KIRREL3: variants seen among roughly 807,000 people sequenced by gnomAD.
The protein encoded by KIRREL3 is kirre like nephrin family adhesion molecule 3.
A neutral mutation model predicts 89.7 loss-of-function variants in KIRREL3; 36 were observed. The observed-to-expected ratio is 0.40, with a 90% CI of 0.31 to 0.53. The LOEUF is 0.53. KIRREL3 is among the 20% of genes least tolerant of loss of function. KIRREL3 has a pLI of 0.49. For synonymous variants in KIRREL3, 445 were observed against 441.4 expected (o/e 1.01, Z -0.10); for missense variants, 864 against 1,056.6 (o/e 0.82, Z 2.53).
chr11:126,699,476 G>A (rs747446826), intron 1 of KIRREL3, among the ~76,000 whole-genome samples: 4 of 152,150 alleles, frequency 2.6e-5, no homozygotes, highest in Non-Finnish European at 5.9e-5. Flanking sequence ...TTTTCTAGTA[G>A]CCACACTCAG....
chr11:126,932,949 C>T (rs573681179), intron 1 of KIRREL3, among the ~76,000 whole-genome samples: 47 of 152,270 alleles, frequency 3.1e-4, no homozygotes, highest in Non-Finnish European at 5.6e-4. Flanking sequence ...AAAGACACTT[C>T]GCTGGAGAGA....
intron 13 of KIRREL3, 139 bp downstream of exon 13, chr11:126,435,129 C>A: frequency 1.1e-6 from 1 of 906,990 alleles, no homozygotes; most frequent in Non-Finnish European, 1.7e-6. Flanking sequence ...TTTGTCTACA[C>A]TAAACCCTCA....
chr11:126,854,172 GT>G (rs1303088257), intron 1 of KIRREL3, among the ~76,000 whole-genome samples: 7 of 73,338 alleles, frequency 9.5e-5, no homozygotes, highest in Admixed American at 1.9e-4. Flanking sequence ...GTGGTGTGTG[GT>G]TTTTTGTTTT....
At chr11:126,504,909 TATC>T (rs1467023416) in intron 4 of KIRREL3, among the ~76,000 whole-genome samples, 1 of 152,216 alleles carries the variant, frequency 6.6e-6, no homozygotes, top group Non-Finnish European at 1.5e-5. Flanking sequence ...AAAACTATAT[TATC>T]ATCTCAATAG....
Position 126,954,893 on chromosome 11 carries a change from C to T in KIRREL3, c.55+45562G>A, listed in dbSNP as rs113363882. Among the ~76,000 whole-genome samples the T allele has an allele frequency of 1.4e-4, 21 of 152,164 alleles. No individual in the cohort carries two copies. The highest frequency in any genetic ancestry group is 2.6e-4 in the Admixed American group (4 of 15,272). On this transcript the variant is annotated intron_variant, in intron 1 of 16. Transcript: ENST00000525144. The surrounding 1 kb of genome is among the most constrained non-coding windows in gnomAD (Gnocchi z 4.1). ...TTAGGTAATGAAAGCAGAAAGAAGA[C>T]GCACCTCAAACATACTGTGTGGGCA...
At chr11:126,560,353 C>T (rs540818632) in intron 2 of KIRREL3, among the ~76,000 whole-genome samples, 17 of 152,306 alleles carry the variant, frequency 1.1e-4, no homozygotes, top group South Asian at 1.0e-3. Flanking sequence ...ATTCTATCCA[C>T]GAAGCTATTA....
intron 1 of KIRREL3, among the ~76,000 whole-genome samples, chr11:126,947,731 T>C (rs1948658748): frequency 6.6e-6 from 1 of 152,208 alleles, no homozygotes; most frequent in African/African-American, 2.4e-5. Context: ...AGGGATCCCA[T>C]GGCTTTTCAC....
In KIRREL3 at chr11:126,520,982, G is replaced by A. The variant is rs377430624; in HGVS notation, c.433+333C>T. On this transcript the variant is annotated intron_variant, in intron 4 of 16. Coordinates refer to ENST00000525144, the MANE Select transcript of KIRREL3 (RefSeq NM_032531.4). The surrounding 1 kb of genome is among the most constrained non-coding windows in gnomAD (Gnocchi z 4.9). ...TGTGCCACATTCTTCCTGGCACGGA[G>A]CCTAGCCTAGATAACGTGTGCAGAG... Among the ~76,000 whole-genome samples the A allele has an allele frequency of 1.1e-3, 170 of 152,318 alleles. 1 individual carries two copies. Among genetic ancestry groups the A allele is most frequent in the African/African-American group, 4.0e-3 (165 of 41,578 alleles).
At chr11:126,425,123 G>T in intron 16 of KIRREL3, 100 bp from the exon 17 acceptor site, 1 of 1,179,438 alleles carries the variant, frequency 8.5e-7, no homozygotes, top group Non-Finnish European at 1.2e-6. Flanking sequence ...GGGGAGGGAA[G>T]AGGGAAAACA....
chr11:126,626,960 A>G lies in KIRREL3; in HGVS notation c.56-64048T>C, dbSNP rs1022538873. 1.1e-4 allele frequency among the ~76,000 whole-genome samples: 16 copies of G among 151,728 alleles called. No individual in the cohort carries two copies. In the East Asian group the frequency reaches 1.8e-3, roughly 17 times the overall value. ...TGGGGCGGAGGTTGCAGTTTGCACC[A>G]TTGCACTCCAGCCTGGGCCACAAGA... On this transcript the variant is annotated intron_variant, in intron 1 of 16. Transcript: ENST00000525144.
At position 126,424,999 on chromosome 11, in the gene KIRREL3, C is replaced by T. The variant is rs774661420; in HGVS notation, c.1918G>A (p.Val640Ile). 8.4e-6 allele frequency: 13 copies of T among 1,552,744 alleles called. No homozygotes were observed. The highest frequency in any genetic ancestry group is 1.7e-4 in the Middle Eastern group (1 of 5,782). ...LKDPTNGYYSVNTFKEHHSTP... is the reference protein window; with the variant it reads ...LKDPTNGYYSINTFKEHHSTP... ...GAGTGGTGCTCTTTGAAGGTGTTGA[C>T]GCTGTAGTAGCCATTGGTGGGGTCC... The change falls in exon 17 of 17, where the codon GTC becomes ATC. Residue 640 changes from valine to isoleucine, a missense_variant. Coordinates refer to ENST00000525144, the MANE Select transcript of KIRREL3 (RefSeq NM_032531.4).
chr11:126,773,726 GC>G lies in KIRREL3; in HGVS notation c.56-210815del, dbSNP rs1950087713. On this transcript the variant is annotated intron_variant, in intron 1 of 16. Transcript: ENST00000525144. The surrounding 1 kb of genome is among the most constrained non-coding windows in gnomAD (Gnocchi z 4.2). ...GTGTTTTCCTGTGAGCTCCTTGGAG[GC>G]TGGGGCCCACATATATTATTTATCT... Among the ~76,000 whole-genome samples, 1 of 152,142 alleles carries G rather than the reference GC, an allele frequency of 6.6e-6. No individual in the cohort carries two copies. Among genetic ancestry groups the G allele is most frequent in the Non-Finnish European group, 1.5e-5 (1 of 68,026 alleles).
chr11:126,456,181 G>A (rs1390349098), intron 7 of KIRREL3, among the ~76,000 whole-genome samples, 168 bp downstream of exon 7: 2 of 151,660 alleles, frequency 1.3e-5, no homozygotes, highest in East Asian at 2.0e-4. Context: ...GGGTCCACAC[G>A]GCTAGCAGGC....
chr11:126,979,815 G>A (rs1479380575), intron 1 of KIRREL3, among the ~76,000 whole-genome samples: 1 of 152,216 alleles, frequency 6.6e-6, no homozygotes, highest in African/African-American at 2.4e-5. Context: ...GGTGCTCTTA[G>A]AGGGTGCAAG....
At chr11:126,507,166 CA>C (rs2134384830) in intron 4 of KIRREL3, among the ~76,000 whole-genome samples, 1 of 152,232 alleles carries the variant, frequency 6.6e-6, no homozygotes, top group South Asian at 2.1e-4. Context: ...CCAGAAAAGC[CA>C]AATCCAAGAA....
intron 1 of KIRREL3, among the ~76,000 whole-genome samples, chr11:126,861,328 T>C (rs1045932687): frequency 1.6e-4 from 24 of 152,196 alleles, no homozygotes; most frequent in African/African-American, 5.1e-4. Flanking sequence ...GAGGTAGTAT[T>C]TCCTGAACTC....
Position 126,475,254 on chromosome 11 carries a change from G to A in KIRREL3, c.434-1788C>T, listed in dbSNP as rs184808139. Among the ~76,000 whole-genome samples the A allele has an allele frequency of 3.6e-4, 55 of 152,226 alleles. No individual in the cohort carries two copies. Among genetic ancestry groups the A allele is most frequent in the Middle Eastern group, 6.8e-3 (2 of 294 alleles). ...ACAGTCACAGCTCCGGGCCCGTCCTGACTCCACTGGCTCAGCCTTCCAGCC... is the reference window on the plus strand; with the variant it reads ...ACAGTCACAGCTCCGGGCCCGTCCTAACTCCACTGGCTCAGCCTTCCAGCC... On this transcript the variant is annotated intron_variant, in intron 4 of 16. Coordinates refer to ENST00000525144, the MANE Select transcript of KIRREL3 (RefSeq NM_032531.4). This position sits in a 1 kb window ranked among gnomAD's most constrained non-coding sequence, Gnocchi z 7.5.
At chr11:126,678,478 T>C (rs944346655) in intron 1 of KIRREL3, among the ~76,000 whole-genome samples, 1 of 151,708 alleles carries the variant, frequency 6.6e-6, no homozygotes, top group Non-Finnish European at 1.5e-5. Flanking sequence ...CAGGCGCCTG[T>C]AGTCCCAGCT....
At chr11:126,577,825 A>G (rs1377889217) in intron 1 of KIRREL3, among the ~76,000 whole-genome samples, 1 of 151,960 alleles carries the variant, frequency 6.6e-6, no homozygotes, top group East Asian at 1.9e-4. Flanking sequence ...TTACCTTCAG[A>G]GAGAATAGCT....
Sources: allele counts gnomAD v4.1 joint callset (sites outside exome capture counted in the v4.1 genomes callset), GRCh38; gene constraint gnomAD v4.1.1; non-coding constraint Gnocchi (gnomAD v3.1); transcripts MANE v1.5; gene names NCBI Gene and HGNC (gene_info 2026-07-23, HGNC 2026-07-21).